Variants in OPRM1 observed in about 807,000 individuals in gnomAD.
OPRM1 encodes opioid receptor mu 1.
Under a neutral mutation model 31.8 loss-of-function variants are expected in OPRM1, and 27 were observed. The ratio of observed to expected loss-of-function variants is 0.85; its 90% CI spans 0.63 to 1.17. The LOEUF is 1.17. OPRM1 is among the 50% of genes most tolerant of loss of function. OPRM1 has a pLI of 0.00. For missense variants in OPRM1, 536 were observed against 511.1 expected, an observed-to-expected ratio of 1.05 and a Z score of -0.47; for synonymous variants, 196 against 189.9, an observed-to-expected ratio of 1.03 and a Z score of -0.26.
chr6:154,109,593 C>T (rs1402129345), intron 3 of OPRM1, among the ~76,000 whole-genome samples: 1 of 152,110 alleles, frequency 6.6e-6, no homozygotes, highest in African/African-American at 2.4e-5. Context: ...TTTCAGTTTT[C>T]ACACGCTCTA....
At chr6:154,081,309 C>G (rs1468954347) in intron 1 of OPRM1, among the ~76,000 whole-genome samples, 2 of 152,176 alleles carry the variant, frequency 1.3e-5, no homozygotes, top group Admixed American at 1.3e-4. Flanking sequence ...TGAGACCATC[C>G]TTGCTAACAC....
chr6:154,226,049 A>T (rs1254808731), intron 3 of OPRM1, among the ~76,000 whole-genome samples: 1 of 151,952 alleles, frequency 6.6e-6, no homozygotes, highest in Non-Finnish European at 1.5e-5. Context: ...TTTTCCTCTA[A>T]CTATGCCTTC....
chr6:154,038,615 T>C (rs1779467331), upstream of OPRM1, among the ~76,000 whole-genome samples: 1 of 152,192 alleles, frequency 6.6e-6, no homozygotes, highest in Admixed American at 6.5e-5. Flanking sequence ...CAAACAGGTC[T>C]ATGAGATTTA....
intron 3 of OPRM1, among the ~76,000 whole-genome samples, chr6:154,149,450 AG>A (rs1798439048): frequency 6.6e-6 from 1 of 152,134 alleles, no homozygotes; most frequent in Non-Finnish European, 1.5e-5. Context: ...AGGGACTCAA[AG>A]CCTACCCATA....
chr6:154,114,945 C>T (rs1350864321), intron 3 of OPRM1, among the ~76,000 whole-genome samples: 1 of 151,896 alleles, frequency 6.6e-6, no homozygotes, highest in African/African-American at 2.4e-5. Flanking sequence ...ATGCATCCTT[C>T]TATCCCTCTC....
At chr6:154,150,826 C>T (rs569630701) in intron 3 of OPRM1, among the ~76,000 whole-genome samples, 9 of 149,802 alleles carry the variant, frequency 6.0e-5, no homozygotes, top group South Asian at 2.1e-4. Flanking sequence ...TTTCTGCCTT[C>T]GGACCACAGA....
intron 3 of OPRM1, chr6:154,093,345 G>C (rs200463796): frequency 6.2e-7 from 1 of 1,614,108 alleles, no homozygotes; most frequent in African/African-American, 1.3e-5. Context: ...ACCACTGCAA[G>C]GACCTCTTGT....
chr6:154,114,459 A>C (rs1159607546), intron 3 of OPRM1, among the ~76,000 whole-genome samples: 2 of 152,120 alleles, frequency 1.3e-5, no homozygotes, highest in African/African-American at 4.8e-5. Flanking sequence ...AAAGAGAAAG[A>C]GAGAGAGGCT....
At chr6:154,051,675 C>T (rs1428863024) in intron 1 of OPRM1, among the ~76,000 whole-genome samples, 1 of 152,098 alleles carries the variant, frequency 6.6e-6, no homozygotes, top group African/African-American at 2.4e-5. Context: ...CATCAAGAAA[C>T]AATAGATACT....
chr6:154,063,852 A>T (rs1562416664), intron 1 of OPRM1, among the ~76,000 whole-genome samples: 1 of 152,066 alleles, frequency 6.6e-6, no homozygotes, highest in South Asian at 2.1e-4. Context: ...TGAAGGATGA[A>T]TAACATTTCA....
intron 1 of OPRM1, among the ~76,000 whole-genome samples, chr6:154,019,324 A>G (rs1778205296): frequency 6.6e-6 from 1 of 151,886 alleles, no homozygotes; most frequent in Admixed American, 6.6e-5. Context: ...ACACACACAC[A>G]CACACACAGC....
At chr6:154,040,180 T>C (rs1444396719) in intron 1 of OPRM1, among the ~76,000 whole-genome samples, 2 of 152,038 alleles carry the variant, frequency 1.3e-5, no homozygotes, top group African/African-American at 4.8e-5. Flanking sequence ...AGTCCTACAC[T>C]CAGTCCCTCT....
intron 2 of OPRM1, among the ~76,000 whole-genome samples, chr6:154,090,385 G>A (rs969437739): frequency 1.3e-5 from 2 of 152,160 alleles, no homozygotes; most frequent in African/African-American, 2.4e-5. Flanking sequence ...TAAAGAGAAT[G>A]TAATCTATTT....
At chr6:154,227,861 T>G (rs1197590707) in intron 3 of OPRM1, among the ~76,000 whole-genome samples, 2 of 152,246 alleles carry the variant, frequency 1.3e-5, no homozygotes, top group African/African-American at 2.4e-5. Flanking sequence ...TGAAAACACC[T>G]TAGTGTTTCC....
chr6:154,081,230 G>A (rs909490832), intron 1 of OPRM1, among the ~76,000 whole-genome samples: 11 of 152,192 alleles, frequency 7.2e-5, no homozygotes, highest in East Asian at 1.9e-4. Flanking sequence ...AGGGCCTGGC[G>A]CGGTGGCTCA....
intron 3 of OPRM1, chr6:154,214,110 G>T: frequency 1.3e-6 from 1 of 763,120 alleles, no homozygotes. Context: ...GCCAAAGCAT[G>T]TTTCCTCAGG....
chr6:154,239,382 T>C (rs370532990), intron 3 of OPRM1, among the ~76,000 whole-genome samples: 2 of 152,188 alleles, frequency 1.3e-5, no homozygotes, highest in East Asian at 1.9e-4. Context: ...AGACAATAAA[T>C]AAACTAAATG....
intron 3 of OPRM1, among the ~76,000 whole-genome samples, chr6:154,198,391 T>C (rs1431915339): frequency 6.6e-6 from 1 of 152,186 alleles, no homozygotes; most frequent in East Asian, 1.9e-4. Context: ...CTCCTCCCTA[T>C]GCTACTCATT....
chr6:154,199,587 C>A, intron 3 of OPRM1: 1 of 1,402,836 alleles, frequency 7.1e-7, no homozygotes, highest in Non-Finnish European at 9.6e-7. Context: ...TTTAACCATT[C>A]TTGTTACAAA....
Sources: gnomAD v4.1 joint callset for allele counts (sites outside exome capture counted in the v4.1 genomes callset) on GRCh38, gnomAD v4.1.1 for gene constraint, MANE v1.5 for transcripts, NCBI Gene and HGNC (gene_info 2026-07-23, HGNC 2026-07-21) for gene names.